Variants in FNDC3B observed in about 807,000 individuals in gnomAD.
FNDC3B encodes fibronectin type III domain containing 3B.
A neutral mutation model predicts 151.5 loss-of-function variants in FNDC3B; 12 were observed. That is an observed-to-expected ratio of 0.08 (90% CI 0.05 to 0.13). FNDC3B has a LOEUF of 0.13. Ranked by LOEUF, FNDC3B falls within the 10% of genes least tolerant of loss-of-function variation. The pLI, the probability that FNDC3B is intolerant of heterozygous loss-of-function variation, is 1.00. For synonymous variants in FNDC3B, 528 were observed against 549.0 expected, an observed-to-expected ratio of 0.96 and a Z score of 0.54; for missense variants, 1,214 against 1,505.3, an observed-to-expected ratio of 0.81 and a Z score of 3.20.
At chr3:172,163,712 A>G (rs1722885434) in intron 3 of FNDC3B, among the ~76,000 whole-genome samples, 1 of 152,086 alleles carries the variant, frequency 6.6e-6, no homozygotes, top group African/African-American at 2.4e-5. Context: ...TGTTCTCCTG[A>G]TGAACCTTTA....
intron 1 of FNDC3B, among the ~76,000 whole-genome samples, chr3:172,053,699 G>T (rs897303236): frequency 2.0e-5 from 3 of 151,624 alleles, no homozygotes; most frequent in African/African-American, 7.3e-5. Context: ...TTGAACCTGG[G>T]AGGCGGAGGT....
chr3:172,367,563 A>G (rs1734694984), intron 23 of FNDC3B, among the ~76,000 whole-genome samples: 3 of 152,204 alleles, frequency 2.0e-5, no homozygotes, highest in Admixed American at 2.0e-4. Context: ...CATTAACCTC[A>G]TACAGGCACT....
chr3:172,070,541 G>A (rs1014862447), intron 1 of FNDC3B, among the ~76,000 whole-genome samples: 11 of 152,172 alleles, frequency 7.2e-5, no homozygotes, highest in Non-Finnish European at 1.5e-4. Context: ...GGCTGACGAG[G>A]GGAGAAGAGC....
chr3:172,127,750 C>G (rs530453769), intron 2 of FNDC3B, among the ~76,000 whole-genome samples: 3 of 152,242 alleles, frequency 2.0e-5, no homozygotes, highest in Admixed American at 6.5e-5. Flanking sequence ...ATGGCAACTG[C>G]TGCCTCCCGA....
At chr3:172,073,417 T>A (rs895295930) in intron 1 of FNDC3B, among the ~76,000 whole-genome samples, 2 of 152,198 alleles carry the variant, frequency 1.3e-5, no homozygotes, top group African/African-American at 4.8e-5. Flanking sequence ...GGACAGCAGG[T>A]GAAACACACT....
At position 172,285,907 on chromosome 3, in the gene FNDC3B, T is replaced by C; in HGVS notation, c.791-19T>C. 1 of 1,609,112 alleles carries C rather than the reference T, an allele frequency of 6.2e-7. No individual in the cohort carries two copies. Among genetic ancestry groups the C allele is most frequent in the Non-Finnish European group, 8.5e-7 (1 of 1,176,654 alleles). On this transcript the variant is annotated intron_variant, in intron 6 of 25. Transcript: ENST00000415807. ...CTTCTAATGGTATTGTTTTTCCTTT[T>C]TTCTTTTTCGCAATGCAGAATATGA...
intron 3 of FNDC3B, among the ~76,000 whole-genome samples, chr3:172,151,507 T>C: frequency 6.6e-6 from 1 of 152,312 alleles, no homozygotes; most frequent in East Asian, 1.9e-4. Flanking sequence ...AGAGATATAT[T>C]ACCTTTGGAT....
At chr3:172,378,539 G>A in intron 24 of FNDC3B, 103 bp downstream of exon 24, 1 of 1,054,452 alleles carries the variant, frequency 9.5e-7, no homozygotes, top group Non-Finnish European at 1.3e-6. Context: ...ATGTCAGCAA[G>A]ATAGAATCAA....
intron 3 of FNDC3B, among the ~76,000 whole-genome samples, chr3:172,223,106 C>T (rs956450832): frequency 1.4e-4 from 22 of 152,128 alleles, no homozygotes; most frequent in Admixed American, 9.8e-4. Context: ...AGGAACTTTA[C>T]GAAGAGAAAT....
intron 1 of FNDC3B, among the ~76,000 whole-genome samples, chr3:172,085,647 C>T (rs1292833215): frequency 1.3e-5 from 2 of 152,090 alleles, no homozygotes; most frequent in African/African-American, 4.8e-5. Context: ...ACTTGGAGCC[C>T]CTTGATGTGT....
intron 3 of FNDC3B, among the ~76,000 whole-genome samples, chr3:172,196,190 T>C (rs1724818445): frequency 6.6e-6 from 1 of 152,220 alleles, no homozygotes; most frequent in African/African-American, 2.4e-5. Context: ...ACCTTAAATG[T>C]AAAAACATTT....
chr3:172,289,340 A>C (rs766011180), intron 7 of FNDC3B, among the ~76,000 whole-genome samples: 27 of 152,116 alleles, frequency 1.8e-4, no homozygotes, highest in African/African-American at 2.4e-4. Flanking sequence ...TACTGGGCCC[A>C]GCCAGATAAT....
chr3:172,133,272 G>C (rs772481197), intron 2 of FNDC3B, among the ~76,000 whole-genome samples, 199 bp from the exon 3 acceptor site: 10 of 152,212 alleles, frequency 6.6e-5, no homozygotes, highest in Non-Finnish European at 1.3e-4. Context: ...AGCAACACAG[G>C]AGAATTCACT....
chr3:172,356,411 A>T (rs1361183248), intron 22 of FNDC3B, among the ~76,000 whole-genome samples: 1 of 152,256 alleles, frequency 6.6e-6, no homozygotes, highest in Non-Finnish European at 1.5e-5. Context: ...CCTGACACAT[A>T]GTAAATAAAT....
At chr3:172,396,578 G>A (rs1736292003) in intron 25 of FNDC3B, among the ~76,000 whole-genome samples, 1 of 152,148 alleles carries the variant, frequency 6.6e-6, no homozygotes, top group Non-Finnish European at 1.5e-5. Context: ...TGGCCTATTA[G>A]GAACCAGGCC....
At chr3:172,186,309 C>T (rs1254070242) in intron 3 of FNDC3B, among the ~76,000 whole-genome samples, 1 of 152,176 alleles carries the variant, frequency 6.6e-6, no homozygotes, top group Non-Finnish European at 1.5e-5. Context: ...TTTCTCCTCA[C>T]CCTCATAACA....
chr3:172,094,261 G>C (rs990705658), intron 1 of FNDC3B, among the ~76,000 whole-genome samples: 1 of 152,136 alleles, frequency 6.6e-6, no homozygotes, highest in African/African-American at 2.4e-5. Context: ...GCAAATTCTA[G>C]AACATTTTTG....
chr3:172,232,045 T>A (rs575809788), intron 4 of FNDC3B, among the ~76,000 whole-genome samples: 7 of 152,144 alleles, frequency 4.6e-5, no homozygotes, highest in African/African-American at 1.7e-4. Flanking sequence ...CATGCCTGGC[T>A]AATTTTTATA....
At chr3:172,354,280 A>G (rs1191352099) in intron 22 of FNDC3B, among the ~76,000 whole-genome samples, 2 of 152,022 alleles carry the variant, frequency 1.3e-5, no homozygotes, top group Non-Finnish European at 2.9e-5. Context: ...ATTGTTTCCA[A>G]TTTTAATCCA....
Sources: allele counts gnomAD v4.1 joint callset (sites outside exome capture counted in the v4.1 genomes callset), GRCh38; gene constraint gnomAD v4.1.1; transcripts MANE v1.5; gene names NCBI Gene and HGNC (gene_info 2026-07-23, HGNC 2026-07-21).